GALK2: variants seen among roughly 807,000 people sequenced by gnomAD.
The protein encoded by GALK2 is N-acetylgalactosamine kinase.
GALK2 carries 36 observed loss-of-function variants against 52.4 expected under a neutral mutation model. The observed-to-expected ratio is 0.69, with a 90% CI of 0.53 to 0.91. The LOEUF is 0.91. Among genes scored for constraint, GALK2 ranks in the 40% least tolerant of loss-of-function variants. The pLI is 0.00. For missense variants in GALK2, 579 were observed against 559.1 expected (o/e 1.04, Z -0.36); for synonymous variants, 176 against 199.1 (o/e 0.88, Z 0.98).
Position 49,329,419 on chromosome 15 carries a change from T to A in GALK2, c.*1260T>A. Reference sequence around the variant, plus strand: ...TTATGGCATGAATTATCCAAAAAAATATCAGAATTACTTATTATTCTGTGA... The same window carrying A: ...TTATGGCATGAATTATCCAAAAAAAAATCAGAATTACTTATTATTCTGTGA... On this transcript the variant is annotated 3_prime_UTR_variant, in exon 10 of 10. Coordinates refer to ENST00000560031, the MANE Select transcript of GALK2 (RefSeq NM_002044.4). 2.0e-6 allele frequency: 2 copies of A among 984,712 alleles called. No homozygotes were observed. The highest frequency in any genetic ancestry group is 1.2e-6 in the Non-Finnish European group (1 of 829,306). 61.0% of individuals were successfully genotyped at this position (984,712 alleles called of 1,614,324 possible).
chr15:49,204,929 A>T (rs751332614), intron 2 of GALK2, among the ~76,000 whole-genome samples: 1 of 152,178 alleles, frequency 6.6e-6, no homozygotes, highest in Non-Finnish European at 1.5e-5. Context: ...TAGCCCCCAC[A>T]TATCAGTGAG....
chr15:49,345,952 C>A (rs564737467), intron 3 of GALK2, among the ~76,000 whole-genome samples: 1 of 151,942 alleles, frequency 6.6e-6, no homozygotes, highest in African/African-American at 2.4e-5. Flanking sequence ...GGGCAAATTT[C>A]GTACTTATCT....
intron 5 of GALK2, among the ~76,000 whole-genome samples, chr15:49,264,989 G>T (rs938719685): frequency 2.0e-5 from 3 of 152,220 alleles, no homozygotes; most frequent in African/African-American, 7.2e-5. Context: ...CCCTACTGGG[G>T]GGTGCCTCCC....
intron 3 of GALK2, among the ~76,000 whole-genome samples, chr15:49,232,710 T>C (rs1470399528): frequency 2.0e-5 from 3 of 152,242 alleles, no homozygotes. Context: ...TAGAAATTTC[T>C]CCTGTCAGTA....
intron 1 of GALK2, among the ~76,000 whole-genome samples, chr15:49,175,741 C>T (rs900029340): frequency 1.3e-5 from 2 of 152,180 alleles, no homozygotes; most frequent in African/African-American, 2.4e-5. Flanking sequence ...ATGAAATCCA[C>T]AAGCAGACAG....
At chr15:49,204,103 C>CAAAA (rs373448754) in intron 2 of GALK2, among the ~76,000 whole-genome samples, 1 of 103,570 alleles carries the variant, frequency 9.7e-6, no homozygotes, top group African/African-American at 3.5e-5. Context: ...GATTCTGTCT[C>CAAAA]AAAAAAAAAA....
intron 2 of GALK2, among the ~76,000 whole-genome samples, chr15:49,208,903 A>G (rs2088558511): frequency 6.6e-6 from 1 of 152,212 alleles, no homozygotes; most frequent in South Asian, 2.1e-4. Flanking sequence ...TTACCATTGT[A>G]TAATATCCCT....
chr15:49,307,585 C>T (rs2035648017), intron 8 of GALK2, among the ~76,000 whole-genome samples: 1 of 152,036 alleles, frequency 6.6e-6, no homozygotes, highest in South Asian at 2.1e-4. Flanking sequence ...GTGTATGACC[C>T]TGGAGTTATT....
At chr15:49,194,003 G>C (rs1358207336) in intron 1 of GALK2, 1 of 152,166 alleles carries the variant, frequency 6.6e-6, no homozygotes, top group Non-Finnish European at 1.5e-5. Context: ...TGGGATTACA[G>C]GTGTGATGTA....
chr15:49,278,327 A>C (rs1264946572), intron 5 of GALK2, among the ~76,000 whole-genome samples: 1 of 152,150 alleles, frequency 6.6e-6, no homozygotes, highest in East Asian at 1.9e-4. Flanking sequence ...AGGCTTCATT[A>C]CTCCTTAATG....
intron 5 of GALK2, among the ~76,000 whole-genome samples, chr15:49,260,188 G>T (rs1157021045): frequency 6.6e-6 from 1 of 152,148 alleles, no homozygotes; most frequent in Non-Finnish European, 1.5e-5. Flanking sequence ...CTAGTTTACA[G>T]TCCCACCAAC....
At chr15:49,170,945 T>C (rs934526529) in intron 1 of GALK2, among the ~76,000 whole-genome samples, 1 of 152,210 alleles carries the variant, frequency 6.6e-6, no homozygotes, top group Non-Finnish European at 1.5e-5. Context: ...AATACTTCGT[T>C]CTGACTAATG....
intron 7 of GALK2, among the ~76,000 whole-genome samples, chr15:49,289,063 T>G (rs2033669985): frequency 6.6e-6 from 1 of 152,238 alleles, no homozygotes; most frequent in Non-Finnish European, 1.5e-5. Flanking sequence ...TCTTACCATG[T>G]CCTGTATTTT....
chr15:49,200,774 C>G (rs976870472), intron 1 of GALK2, among the ~76,000 whole-genome samples: 10 of 152,256 alleles, frequency 6.6e-5, no homozygotes, highest in South Asian at 2.1e-4. Context: ...CTTAGGAAAC[C>G]AAATATACTA....
At chr15:49,292,089 T>A (rs1463807336) in intron 7 of GALK2, among the ~76,000 whole-genome samples, 1 of 150,752 alleles carries the variant, frequency 6.6e-6, no homozygotes, top group Non-Finnish European at 1.5e-5. Context: ...TGTGTTTGCG[T>A]GTGTGTGTGT....
At chr15:49,287,805 A>T (rs559279618) in intron 7 of GALK2, among the ~76,000 whole-genome samples, 3 of 152,184 alleles carry the variant, frequency 2.0e-5, no homozygotes, top group Non-Finnish European at 1.5e-5. Flanking sequence ...TTTTTCTCAG[A>T]TCCTTTTTTG....
rs1303429324 is a variant in GALK2, at chr15:49,299,826, AT to A, written c.967+7299del. Among the ~76,000 whole-genome samples the A allele has an allele frequency of 2.5e-4, 25 of 98,982 alleles. 1 individual carries two copies. The highest frequency in any genetic ancestry group is 3.6e-4 in the African/African-American group (9 of 25,292). 64.9% of individuals were successfully genotyped at this position (98,982 alleles called of 152,430 possible). ...GTAGTCTGAGAGCGTGATTGGTATGATTTTTTTTTTAATTTGTTGAGAATTA... is the reference window on the plus strand; with the variant it reads ...GTAGTCTGAGAGCGTGATTGGTATGATTTTTTTTTAATTTGTTGAGAATTA... On this transcript the variant is annotated intron_variant, in intron 8 of 9. Coordinates refer to ENST00000560031, the MANE Select transcript of GALK2 (RefSeq NM_002044.4).
chr15:49,172,020 G>A (rs907351869), intron 1 of GALK2, among the ~76,000 whole-genome samples: 9 of 151,994 alleles, frequency 5.9e-5, no homozygotes, highest in African/African-American at 1.9e-4. Context: ...TGATCCGCCC[G>A]TCTCAGCCTC....
intron 3 of GALK2, among the ~76,000 whole-genome samples, chr15:49,358,576 G>A (rs1433441881): frequency 6.7e-6 from 1 of 148,538 alleles, no homozygotes; most frequent in Non-Finnish European, 1.5e-5. Flanking sequence ...CACTGCTCAA[G>A]GAAATAAAAG....
Sources: gnomAD v4.1 joint callset for allele counts (sites outside exome capture counted in the v4.1 genomes callset) on GRCh38, gnomAD v4.1.1 for gene constraint, MANE v1.5 for transcripts, NCBI Gene and HGNC (gene_info 2026-07-23, HGNC 2026-07-21) for gene names.